Variants in SPAG16 observed in about 807,000 individuals in gnomAD.
SPAG16 encodes sperm-associated antigen 16 protein.
A neutral mutation model predicts 80.4 loss-of-function variants in SPAG16; 86 were observed. The observed-to-expected ratio is 1.07, with a 90% CI of 0.90 to 1.28. The LOEUF is 1.28. Ranked by LOEUF, SPAG16 falls within the 50% of genes most tolerant of loss-of-function variation. The pLI is 0.00. For synonymous variants in SPAG16, 294 were observed against 265.9 expected (o/e 1.11, Z -1.03); for missense variants, 870 against 765.3 (o/e 1.14, Z -1.61).
chr2:213,986,575 T>C (rs2046014209), intron 12 of SPAG16, among the ~76,000 whole-genome samples: 1 of 152,014 alleles, frequency 6.6e-6, no homozygotes. Context: ...GTTAAACTTA[T>C]GAAATACTAG....
At chr2:213,347,449 G>T (rs1002603360) in intron 6 of SPAG16, among the ~76,000 whole-genome samples, 5 of 152,012 alleles carry the variant, frequency 3.3e-5, no homozygotes, top group African/African-American at 1.2e-4. Context: ...GTTTGCTCTT[G>T]CTTCTCTTGT....
At chr2:213,559,900 A>G (rs2059549349) in intron 10 of SPAG16, among the ~76,000 whole-genome samples, 1 of 152,072 alleles carries the variant, frequency 6.6e-6, no homozygotes, top group Non-Finnish European at 1.5e-5. Flanking sequence ...TTCTGATAAT[A>G]TGCTTTTAAT....
chr2:213,333,871 G>T (rs1478698480), intron 5 of SPAG16, among the ~76,000 whole-genome samples: 5 of 151,686 alleles, frequency 3.3e-5, no homozygotes, highest in Non-Finnish European at 7.4e-5. Context: ...ATTCCTAAGA[G>T]AAAACTAAAA....
At chr2:214,026,149 C>T (rs2048115763) in intron 13 of SPAG16, among the ~76,000 whole-genome samples, 1 of 151,464 alleles carries the variant, frequency 6.6e-6, no homozygotes, top group Non-Finnish European at 1.5e-5. Flanking sequence ...GCAAACCATA[C>T]TTAGCGTTAC....
chr2:213,326,976 T>C (rs1385916338), intron 5 of SPAG16, among the ~76,000 whole-genome samples: 1 of 152,016 alleles, frequency 6.6e-6, no homozygotes, highest in African/African-American at 2.4e-5. Flanking sequence ...TACCTTAATA[T>C]TGCATAATTG....
At chr2:213,981,818 TTATA>T (rs143290465) in intron 12 of SPAG16, among the ~76,000 whole-genome samples, 3,036 of 152,082 alleles carry the variant, frequency 0.02, 127 homozygotes, top group African/African-American at 0.069. Context: ...ACACACATGC[TTATA>T]TATAATAATC....
At chr2:213,901,111 G>T (rs2077203357) in intron 11 of SPAG16, among the ~76,000 whole-genome samples, 1 of 152,126 alleles carries the variant, frequency 6.6e-6, no homozygotes, top group Non-Finnish European at 1.5e-5. Flanking sequence ...TGTAAAATAA[G>T]ATAAAGCTAG....
chr2:213,652,585 TGTTCTAACAGGTA>T (rs2063062359), intron 10 of SPAG16, among the ~76,000 whole-genome samples: 1 of 152,196 alleles, frequency 6.6e-6, no homozygotes, highest in African/African-American at 2.4e-5. Context: ...TTATTTTATC[TGTTCTAACAGGTA>T]GTGATATATT....
intron 14 of SPAG16, among the ~76,000 whole-genome samples, chr2:214,140,146 C>T (rs2055274311): frequency 6.6e-6 from 1 of 152,238 alleles, no homozygotes; most frequent in South Asian, 2.1e-4. Context: ...CATGTGGTTA[C>T]TCTCATGGGC....
intron 10 of SPAG16, among the ~76,000 whole-genome samples, chr2:213,576,718 C>T (rs560931575): frequency 2.2e-4 from 34 of 152,198 alleles, no homozygotes; most frequent in African/African-American, 7.7e-4. Flanking sequence ...CAAACTAACA[C>T]ATGAACAGAA....
chr2:214,056,608 TTGA>T (rs1221157930), intron 13 of SPAG16, among the ~76,000 whole-genome samples: 1 of 152,186 alleles, frequency 6.6e-6, no homozygotes, highest in Non-Finnish European at 1.5e-5. Flanking sequence ...TGCCTTGATG[TTGA>T]TGACTGCTGA....
intron 1 of SPAG16, among the ~76,000 whole-genome samples, chr2:213,293,620 A>G (rs956936396): frequency 2.0e-5 from 3 of 152,182 alleles, no homozygotes; most frequent in Non-Finnish European, 4.4e-5. Flanking sequence ...TGCCATGGAA[A>G]TGGATCCTGT....
chr2:213,317,624 T>G (rs1347515400), intron 5 of SPAG16: 12 of 1,071,656 alleles, frequency 1.1e-5, no homozygotes, highest in Non-Finnish European at 1.2e-5. Flanking sequence ...CTTGTGTATT[T>G]GATAGTCTTT....
intron 15 of SPAG16, among the ~76,000 whole-genome samples, chr2:214,228,920 C>A (rs1404816694): frequency 6.6e-6 from 1 of 151,832 alleles, no homozygotes; most frequent in African/African-American, 2.4e-5. Context: ...CTTTCACTAA[C>A]ATTTGTCTCC....
At chr2:214,405,048 C>T (rs1218746852) in intron 15 of SPAG16, among the ~76,000 whole-genome samples, 1 of 152,022 alleles carries the variant, frequency 6.6e-6, no homozygotes, top group Non-Finnish European at 1.5e-5. Context: ...AAGTTAAGAA[C>T]TTATGCAACT....
intron 15 of SPAG16, among the ~76,000 whole-genome samples, chr2:214,182,471 A>G (rs186066597): frequency 2.0e-5 from 3 of 151,978 alleles, no homozygotes; most frequent in East Asian, 3.9e-4. Flanking sequence ...CAGTCTCACA[A>G]TTGTTTCTTC....
At chr2:214,184,680 C>T (rs2057414150) in intron 15 of SPAG16, among the ~76,000 whole-genome samples, 1 of 152,058 alleles carries the variant, frequency 6.6e-6, no homozygotes, top group African/African-American at 2.4e-5. Flanking sequence ...AGACATCTGT[C>T]AGCAGTTTTG....
At chr2:213,346,201 A>G (rs1279475003) in intron 6 of SPAG16, among the ~76,000 whole-genome samples, 1 of 152,102 alleles carries the variant, frequency 6.6e-6, no homozygotes, top group African/African-American at 2.4e-5. Flanking sequence ...TTGGTGTATA[A>G]GAATGCTTGT....
chr2:214,306,695 T>G (rs1438730777), intron 15 of SPAG16, among the ~76,000 whole-genome samples: 3 of 152,160 alleles, frequency 2.0e-5, no homozygotes, highest in African/African-American at 7.2e-5. Context: ...TTGTGTGTGT[T>G]GAACTTGCAT....
Sources: gnomAD v4.1 joint callset for allele counts (sites outside exome capture counted in the v4.1 genomes callset) on GRCh38, gnomAD v4.1.1 for gene constraint, MANE v1.5 for transcripts, NCBI Gene and HGNC (gene_info 2026-07-23, HGNC 2026-07-21) for gene names.